Variants in SPATA6 observed in about 807,000 individuals in gnomAD.
SPATA6 encodes spermatogenesis-associated protein 6.
SPATA6 carries 56 observed loss-of-function variants against 65.3 expected under a neutral mutation model. The ratio of observed to expected loss-of-function variants is 0.86; its 90% CI spans 0.69 to 1.07. The LOEUF (loss-of-function observed/expected upper bound fraction) is 1.07. SPATA6 is among the 50% of genes least tolerant of loss of function. The probability of loss-of-function intolerance (pLI) is 0.00; values close to 1 mark genes in which losing one functional copy is unlikely to be tolerated. For missense variants in SPATA6, 590 were observed against 594.8 expected, an observed-to-expected ratio of 0.99 and a Z score of 0.08; for synonymous variants, 199 against 213.2, an observed-to-expected ratio of 0.93 and a Z score of 0.58.
chr1:48,364,865 T>A (rs1422827962), intron 9 of SPATA6, among the ~76,000 whole-genome samples: 1 of 152,242 alleles, frequency 6.6e-6, no homozygotes, highest in Admixed American at 6.5e-5. Flanking sequence ...AGACATGAAG[T>A]CCTTGCCCAT....
intron 11 of SPATA6, among the ~76,000 whole-genome samples, chr1:48,307,524 C>A (rs1417416258): frequency 6.6e-6 from 1 of 150,848 alleles, no homozygotes; most frequent in African/African-American, 2.4e-5. Flanking sequence ...CAACAAGGAT[C>A]ACATCTTATT....
intron 8 of SPATA6, among the ~76,000 whole-genome samples, chr1:48,391,572 A>G (rs1007272348): frequency 2.0e-5 from 3 of 152,136 alleles, no homozygotes; most frequent in Non-Finnish European, 4.4e-5. Context: ...CTACAAATTA[A>G]TCTATTACTT....
At chr1:48,340,003 A>C (rs1646165052) in intron 11 of SPATA6, among the ~76,000 whole-genome samples, 1 of 152,010 alleles carries the variant, frequency 6.6e-6, no homozygotes, top group South Asian at 2.1e-4. Context: ...TCAGAAGAGC[A>C]AAGAAAGAAG....
At chr1:48,364,191 C>T (rs190356601) in intron 9 of SPATA6, among the ~76,000 whole-genome samples, 17 of 152,224 alleles carry the variant, frequency 1.1e-4, no homozygotes, top group African/African-American at 3.6e-4. Flanking sequence ...TTTCTTAATC[C>T]AATCTATTGT....
chr1:48,281,366 T>C, the SPATA6 span, among the ~76,000 whole-genome samples: 1 of 151,848 alleles, frequency 6.6e-6, no homozygotes, highest in Non-Finnish European at 1.5e-5. Flanking sequence ...ATAAAGGGTA[T>C]TCAATTAGGA....
chr1:48,312,812 G>C (rs555522259), intron 11 of SPATA6, among the ~76,000 whole-genome samples: 1 of 152,062 alleles, frequency 6.6e-6, no homozygotes, highest in African/African-American at 2.4e-5. Context: ...AAGATTAGAC[G>C]AATGGCTAAC....
intron 3 of SPATA6, among the ~76,000 whole-genome samples, chr1:48,442,225 T>G (rs1655561559): frequency 6.6e-6 from 1 of 152,156 alleles, no homozygotes; most frequent in South Asian, 2.1e-4. Context: ...TTAGCAGAAC[T>G]AGTGGCACTT....
At chr1:48,403,119 G>A (rs951839484) in intron 6 of SPATA6, among the ~76,000 whole-genome samples, 1 of 152,050 alleles carries the variant, frequency 6.6e-6, no homozygotes, top group Admixed American at 6.6e-5. Context: ...AAAGCTGCAT[G>A]CCACTGCACT....
At chr1:48,315,470 G>T (rs1323140018) in intron 11 of SPATA6, among the ~76,000 whole-genome samples, 4 of 152,058 alleles carry the variant, frequency 2.6e-5, no homozygotes, top group Non-Finnish European at 4.4e-5. Flanking sequence ...TGCAAAAAAG[G>T]CCTGTGACAA....
chr1:48,360,087 A>T (rs1302759664), intron 9 of SPATA6, among the ~76,000 whole-genome samples: 1 of 152,138 alleles, frequency 6.6e-6, no homozygotes, highest in Non-Finnish European at 1.5e-5. Context: ...CATCCACATG[A>T]ACCAAATGGT....
chr1:48,278,948 A>T, the SPATA6 span, among the ~76,000 whole-genome samples: 3 of 152,240 alleles, frequency 2.0e-5, no homozygotes, highest in African/African-American at 4.8e-5. Flanking sequence ...CAGGTTACCC[A>T]CAAAGGGAAG....
intron 4 of SPATA6, 89 bp from the exon 5 acceptor site, chr1:48,411,677 T>C: frequency 1.7e-6 from 2 of 1,144,124 alleles, no homozygotes; most frequent in Non-Finnish European, 2.3e-6. Flanking sequence ...TACTGCCTGA[T>C]GCCTTATTGA....
chr1:48,345,901 T>C (rs2148778191), intron 11 of SPATA6, among the ~76,000 whole-genome samples: 1 of 152,232 alleles, frequency 6.6e-6, no homozygotes, highest in South Asian at 2.1e-4. Flanking sequence ...CACAGTTGAA[T>C]TCTACCAGAT....
chr1:48,400,462 G>A (rs1651059638), intron 6 of SPATA6, among the ~76,000 whole-genome samples: 1 of 151,948 alleles, frequency 6.6e-6, no homozygotes, highest in African/African-American at 2.4e-5. Context: ...TTACAAGCAA[G>A]TAATATAATA....
In SPATA6 at chr1:48,352,156, A is replaced by C. The variant is rs141408432; in HGVS notation, c.1194+3514T>G. 1.9e-4 allele frequency among the ~76,000 whole-genome samples: 29 copies of C among 152,186 alleles called. No homozygotes were observed. In the East Asian group the frequency reaches 5.4e-3, roughly 28 times the overall value. Reference sequence around the variant, plus strand: ...GTCACATCTTACATGGATGGCAGCAAGAAAAGAGAGATCTTATGCAGAGGA... The same window carrying C: ...GTCACATCTTACATGGATGGCAGCACGAAAAGAGAGATCTTATGCAGAGGA... On this transcript the variant is annotated intron_variant, in intron 11 of 12. Transcript: ENST00000371847.
chr1:48,262,379 T>A, the SPATA6 span: 9 of 152,090 alleles, frequency 5.9e-5, no homozygotes, highest in Non-Finnish European at 1.2e-4. Flanking sequence ...ATGTAAACAA[T>A]GAAGAGTTCT....
At position 48,437,129 on chromosome 1, in the gene SPATA6, A is replaced by C. The variant is rs1655011758; in HGVS notation, c.238+14423T>G. The stretch of plus-strand genomic sequence containing the variant: ...ATACTTTCACGGTTGCCTCCTGCTT[A>C]TAACAAGCCATCAATACCATTGCCT... On this transcript the variant is annotated intron_variant, in intron 3 of 12. Transcript: ENST00000371847. 6.9e-6 allele frequency: 11 copies of C among 1,600,282 alleles called. No individual in the cohort carries two copies. In the South Asian group the frequency reaches 8.8e-5, roughly 13 times the overall value.
chr1:48,268,957 G>A, the SPATA6 span, among the ~76,000 whole-genome samples: 2 of 152,106 alleles, frequency 1.3e-5, no homozygotes, highest in Admixed American at 6.5e-5. Context: ...ACCATCCTAG[G>A]TGGGTATTAT....
chr1:48,282,786 G>A, the SPATA6 span, among the ~76,000 whole-genome samples: 1 of 152,100 alleles, frequency 6.6e-6, no homozygotes, highest in Non-Finnish European at 1.5e-5. Context: ...GATTCCTCAA[G>A]GATCTAGAAC....
Sources: gnomAD v4.1 joint callset for allele counts (sites outside exome capture counted in the v4.1 genomes callset) on GRCh38, gnomAD v4.1.1 for gene constraint, MANE v1.5 for transcripts, NCBI Gene and HGNC (gene_info 2026-07-23, HGNC 2026-07-21) for gene names.